Variants in CHURC1 observed in about 807,000 individuals in gnomAD.
The protein encoded by CHURC1 is protein Churchill.
CHURC1 carries 12 observed loss-of-function variants against 15.4 expected under a neutral mutation model. The ratio of observed to expected loss-of-function variants is 0.78; its 90% CI spans 0.50 to 1.27. The LOEUF (loss-of-function observed/expected upper bound fraction) is 1.27, where lower values mean the gene tolerates loss of function less well. Ranked by LOEUF, CHURC1 falls within the 50% of genes most tolerant of loss-of-function variation. The probability of loss-of-function intolerance (pLI) is 0.00; values close to 1 mark genes in which losing one functional copy is unlikely to be tolerated. For missense variants in CHURC1, 132 were observed against 137.8 expected (o/e 0.96, Z 0.21); for synonymous variants, 42 against 47.5 (o/e 0.88, Z 0.48).
At chr14:64,925,065 C>T (rs1355852882) in intron 2 of CHURC1, among the ~76,000 whole-genome samples, 1 of 152,126 alleles carries the variant, frequency 6.6e-6, no homozygotes, top group African/African-American at 2.4e-5. Context: ...AGAGCAAGGG[C>T]CCTGGAGCTA....
chr14:64,928,150 A>C lies in CHURC1; in HGVS notation c.246+2070A>C, dbSNP rs117913613. Among the ~76,000 whole-genome samples the C allele has an allele frequency of 6.5e-3, 981 of 152,064 alleles. 5 individuals are homozygous for C. Among genetic ancestry groups the C allele is most frequent in the Middle Eastern group, 0.031 (9 of 294 alleles). On this transcript the variant is annotated intron_variant, in intron 3 of 3. Transcript: ENST00000549115. ...TTTACCCCTCTCTAATGCTACCCCT[A>C]CTGCATTTCCTCAGGAATCTCATGT...
chr14:64,917,045 G>T (rs1883939646), intron 1 of CHURC1, among the ~76,000 whole-genome samples: 1 of 152,182 alleles, frequency 6.6e-6, no homozygotes, highest in South Asian at 2.1e-4. Flanking sequence ...TTGAAATGGT[G>T]GGGTAGAGGG....
At chr14:64,917,667 G>A (rs1254229266) in intron 1 of CHURC1, among the ~76,000 whole-genome samples, 1 of 152,212 alleles carries the variant, frequency 6.6e-6, no homozygotes, top group Non-Finnish European at 1.5e-5. Flanking sequence ...GGAGGTTGCA[G>A]TGAGCCATGA....
In CHURC1 at chr14:64,927,151, C is replaced by T. The variant is rs543780642; in HGVS notation, c.246+1071C>T. Among the ~76,000 whole-genome samples the T allele has an allele frequency of 5.0e-4, 76 of 152,262 alleles. 1 individual carries two copies. The highest frequency in any genetic ancestry group is 1.8e-3 in the African/African-American group (76 of 41,552). ...GCAGAATCATAAGATAGTAAAACCC[C>T]TCTTATTCCTTATTTTAGCATGGAA... On this transcript the variant is annotated intron_variant, in intron 3 of 3. Coordinates refer to ENST00000549115, the MANE Select transcript of CHURC1 (RefSeq NM_001386928.1).
At chr14:64,926,117 A>C in intron 3 of CHURC1, 37 bp downstream of exon 3, 1 of 1,411,268 alleles carries the variant, frequency 7.1e-7, no homozygotes, top group Non-Finnish European at 9.7e-7. Context: ...AAATATGGGG[A>C]GGTTAGGGGA....
chr14:64,929,699 T>C (rs957739252), intron 3 of CHURC1, among the ~76,000 whole-genome samples: 1 of 152,184 alleles, frequency 6.6e-6, no homozygotes, highest in Non-Finnish European at 1.5e-5. Flanking sequence ...TATCCCCCCA[T>C]AGGATTATTT....
chr14:64,917,799 G>T lies in CHURC1; in HGVS notation c.39+3265G>T, dbSNP rs549980135. Among the ~76,000 whole-genome samples, 6 of 152,294 alleles carry T rather than the reference G, an allele frequency of 3.9e-5. No homozygotes were observed. The East Asian group carries it at 1.2e-3, about 29-fold the overall frequency. ...AGGGGAGACCTATACATGATCACAT[G>T]ATCTCAGGATTTTCAATCTAGGCAA... On this transcript the variant is annotated intron_variant, in intron 1 of 3. Coordinates refer to ENST00000549115, the MANE Select transcript of CHURC1 (RefSeq NM_001386928.1).
rs35455123 is a variant in CHURC1 at position 64,929,939 on chromosome 14, G to GCC, written c.247-2191_247-2190dup. On this transcript the variant is annotated intron_variant, in intron 3 of 3. Coordinates refer to ENST00000549115, the MANE Select transcript of CHURC1 (RefSeq NM_001386928.1). ...TAAAAAAAAAACCCTCCTAGCAAAA[G>GCC]CCCCCCCCCACACACACACCAAAAT... Among the ~76,000 whole-genome samples, 1,036 of 143,370 alleles carry GCC rather than the reference G, an allele frequency of 7.2e-3. 14 individuals are homozygous for GCC. The highest frequency in any genetic ancestry group is 0.025 in the African/African-American group (932 of 37,940). The allele number at this position is 143,370 out of a possible 152,430, so 94.1% of individuals were successfully genotyped here. A position where few individuals can be genotyped will look rare whatever the true frequency, so the allele number is the denominator to read the frequency against.
At chr14:64,918,022 A>T (rs924351577) in intron 1 of CHURC1, among the ~76,000 whole-genome samples, 3 of 152,370 alleles carry the variant, frequency 2.0e-5, no homozygotes, top group Non-Finnish European at 2.9e-5. Context: ...CAAGTGTCAA[A>T]ATAGGATTTG....
intron 1 of CHURC1, among the ~76,000 whole-genome samples, chr14:64,923,417 C>G (rs531647338): frequency 1.3e-5 from 2 of 152,164 alleles, no homozygotes; most frequent in Non-Finnish European, 1.5e-5. Flanking sequence ...GTCAGTCTTA[C>G]GAAATGAAGA....
chr14:64,925,868 A>G, intron 2 of CHURC1, 142 bp from the exon 3 acceptor site: 1 of 483,902 alleles, frequency 2.1e-6, no homozygotes. Context: ...ATCAAGGTAG[A>G]TACTATAATG....
chr14:64,926,333 A>G (rs1213255809), intron 3 of CHURC1, among the ~76,000 whole-genome samples: 2 of 150,336 alleles, frequency 1.3e-5, no homozygotes, highest in Non-Finnish European at 2.9e-5. Flanking sequence ...GGCATGAGCC[A>G]CTGTGCCCAG....
At chr14:64,922,251 G>A (rs1884355785) in intron 1 of CHURC1, among the ~76,000 whole-genome samples, 1 of 152,080 alleles carries the variant, frequency 6.6e-6, no homozygotes, top group Admixed American at 6.5e-5. Context: ...GAATTTTATT[G>A]TATGTAAATT....
intron 1 of CHURC1, among the ~76,000 whole-genome samples, chr14:64,922,577 CAAAAAAAAA>C (rs572205182): frequency 1.5e-4 from 13 of 84,010 alleles, no homozygotes; most frequent in Admixed American, 2.5e-4. Context: ...GACTCCGTCT[CAAAAAAAAA>C]AAAAAAAAAA....
intron 1 of CHURC1, among the ~76,000 whole-genome samples, chr14:64,918,605 A>G (rs1412321407): frequency 6.6e-6 from 1 of 152,174 alleles, no homozygotes; most frequent in South Asian, 2.1e-4. Flanking sequence ...AGGCACAAGG[A>G]TGGCTTGAAC....
Position 64,934,765 on chromosome 14 carries a change from T to G in CHURC1, c.*2535T>G. The G allele has an allele frequency of 1.0e-6, 1 of 985,418 alleles. No homozygotes were observed. The allele number at this position is 985,418 out of a possible 1,614,324, so 61.0% of individuals were successfully genotyped here. A position where few individuals can be genotyped will look rare whatever the true frequency, so the allele number is the denominator to read the frequency against. On this transcript the variant is annotated 3_prime_UTR_variant, in exon 4 of 4. Transcript: ENST00000549115. ...CCTTGAGTTTGCTAATGCTTCCAAC[T>G]TAGTCATTTGAAGCCCAAGAGTCTA...
At chr14:64,918,593 C>T (rs1031311391) in intron 1 of CHURC1, among the ~76,000 whole-genome samples, 4 of 152,190 alleles carry the variant, frequency 2.6e-5, no homozygotes, top group South Asian at 4.1e-4. Flanking sequence ...TTTGGGAAGC[C>T]GAGGCACAAG....
intron 2 of CHURC1, chr14:64,924,620 T>C (rs1188531730): frequency 6.6e-6 from 1 of 152,220 alleles, no homozygotes; most frequent in Non-Finnish European, 1.5e-5. Flanking sequence ...GCTTTTTTTT[T>C]CTTCTCCAAT....
At chr14:64,925,925 T>C in intron 2 of CHURC1, 85 bp from the exon 3 acceptor site, 1 of 970,244 alleles carries the variant, frequency 1.0e-6, no homozygotes, top group East Asian at 2.6e-5. Context: ...TCTCTTTAAA[T>C]AATATGCTGA....
Sources: gnomAD v4.1 joint callset for allele counts (sites outside exome capture counted in the v4.1 genomes callset) on GRCh38, gnomAD v4.1.1 for gene constraint, MANE v1.5 for transcripts, NCBI Gene and HGNC (gene_info 2026-07-23, HGNC 2026-07-21) for gene names.